CARF: variants seen among roughly 807,000 people sequenced by gnomAD.
CARF encodes the protein calcium responsive transcription factor, also known as calcium-responsive transcription factor.
Under a neutral mutation model 82.0 loss-of-function variants are expected in CARF, and 57 were observed. The ratio of observed to expected loss-of-function variants is 0.70; its 90% CI spans 0.56 to 0.87. CARF has a LOEUF of 0.87. CARF is among the 40% of genes least tolerant of loss of function. The probability of loss-of-function intolerance (pLI) is 0.00; values close to 1 mark genes in which losing one functional copy is unlikely to be tolerated. For missense variants in CARF, 771 were observed against 855.8 expected, an observed-to-expected ratio of 0.90 and a Z score of 1.24; for synonymous variants, 268 against 290.1, an observed-to-expected ratio of 0.92 and a Z score of 0.77.
intron 9 of CARF, among the ~76,000 whole-genome samples, chr2:202,966,423 A>G (rs1051085246): frequency 6.6e-6 from 1 of 152,242 alleles, no homozygotes; most frequent in Non-Finnish European, 1.5e-5. Context: ...TAAAAACCAT[A>G]TGTCAGGTGG....
At chr2:202,921,434 G>C (rs1189223127) in intron 2 of CARF, among the ~76,000 whole-genome samples, 1 of 152,066 alleles carries the variant, frequency 6.6e-6, no homozygotes, top group East Asian at 1.9e-4. Flanking sequence ...AGTTTCTTTT[G>C]CATTTTCCAT....
chr2:202,943,586 G>T (rs1474987894), intron 5 of CARF, among the ~76,000 whole-genome samples: 1 of 42,626 alleles, frequency 2.3e-5, no homozygotes, highest in Non-Finnish European at 4.7e-5. Flanking sequence ...TTAATGGAAT[G>T]TACACACACA....
In CARF at chr2:202,917,924, G is replaced by A. The variant is rs186304235; in HGVS notation, c.-282G>A. The A allele has an allele frequency of 6.8e-5, 25 of 368,188 alleles. No homozygotes were observed. In the East Asian group the frequency reaches 2.1e-3, roughly 31 times the overall value. The allele number at this position is 368,188 out of a possible 1,614,324, so 22.8% of individuals were successfully genotyped here. ...CAATTAAAGCTTTCACATAAATGAA[G>A]CTACAGCTATCATGATTTAGTGCCC... On this transcript the variant is annotated 5_prime_UTR_variant, in exon 2 of 17. Coordinates refer to ENST00000438828, the MANE Select transcript of CARF (RefSeq NM_024744.17).
chr2:202,916,078 T>C (rs953424957), intron 1 of CARF, among the ~76,000 whole-genome samples: 2 of 152,144 alleles, frequency 1.3e-5, no homozygotes, highest in South Asian at 4.1e-4. Flanking sequence ...ATAGTAATTT[T>C]GTACATATTA....
At chr2:202,976,911 T>G (rs1268203169) in intron 13 of CARF, among the ~76,000 whole-genome samples, 1 of 152,090 alleles carries the variant, frequency 6.6e-6, no homozygotes, top group Admixed American at 6.5e-5. Flanking sequence ...AGTCTCACTT[T>G]GTTGCCCAGG....
chr2:202,964,015 T>A (rs1420841017), intron 9 of CARF, among the ~76,000 whole-genome samples: 1 of 152,164 alleles, frequency 6.6e-6, no homozygotes, highest in Non-Finnish European at 1.5e-5. Flanking sequence ...CAATATCACA[T>A]AATCAAACAC....
chr2:202,940,817 G>C (rs187851903), intron 3 of CARF, among the ~76,000 whole-genome samples: 134 of 152,172 alleles, frequency 8.8e-4, no homozygotes, highest in African/African-American at 2.9e-3. Flanking sequence ...TTTGGAGTTG[G>C]GGGGAGGGGA....
chr2:202,985,576 C>T lies in CARF; in HGVS notation c.*1952C>T, dbSNP rs1442190039. 6.6e-6 allele frequency: 1 copy of T among 152,146 alleles called. No homozygotes were observed. The highest frequency in any genetic ancestry group is 2.4e-5 in the African/African-American group (1 of 41,452). The allele number at this position is 152,146 out of a possible 1,614,324, so 9.4% of individuals were successfully genotyped here. ...TAATTATGTTACACTAAGTTAAACA[C>T]AGCACTTAATTACCTCAAATCCAGA... On this transcript the variant is annotated 3_prime_UTR_variant, in exon 17 of 17. Coordinates refer to ENST00000438828, the MANE Select transcript of CARF (RefSeq NM_024744.17).
At chr2:202,925,094 A>G in intron 3 of CARF, 1 of 407,434 alleles carries the variant, frequency 2.5e-6, no homozygotes, top group Non-Finnish European at 4.9e-6. Context: ...CAGCAACTGG[A>G]CACACTGAGC....
At position 202,982,153 on chromosome 2, in the gene CARF, C is replaced by A. The variant is rs1392809515; in HGVS notation, c.1771C>A (p.Pro591Thr). The A allele has an allele frequency of 6.2e-7, 1 of 1,614,142 alleles. No individual in the cohort carries two copies. Among genetic ancestry groups the A allele is most frequent in the Non-Finnish European group, 8.5e-7 (1 of 1,180,004 alleles). ...AGTAAATAACCAGCCGTCCTCTAGTCCTTCAGGACTTCTGGATACAATAGG... is the reference window on the plus strand; with the variant it reads ...AGTAAATAACCAGCCGTCCTCTAGTACTTCAGGACTTCTGGATACAATAGG... The part of the protein sequence containing the change: ...VSVNNQPSSS[P>T]SGLLDTIGSA... The change falls in exon 16 of 17, where the codon CCT (proline) becomes ACT (threonine). Residue 591 changes from proline (P) to threonine (T), a missense_variant. Physicochemically the swap from Pro to Thr is conservative, Grantham distance 38. Coordinates refer to ENST00000438828, the MANE Select transcript of CARF (RefSeq NM_024744.17).
chr2:202,949,627 T>G (rs1276262050), intron 5 of CARF, among the ~76,000 whole-genome samples: 1 of 150,972 alleles, frequency 6.6e-6, no homozygotes, highest in African/African-American at 2.4e-5. Flanking sequence ...CTCAGCTCAC[T>G]GCAACCCCCA....
Position 202,986,908 on chromosome 2 carries a change from A to ACATATATATATATATAT in CARF, c.*3284_*3285insCATATATATATATATAT. On this transcript the variant is annotated 3_prime_UTR_variant, in exon 17 of 17. Coordinates refer to ENST00000438828, the MANE Select transcript of CARF (RefSeq NM_024744.17). Reference sequence around the variant, plus strand: ...TATATATATATATATATATATATATAGCAACTTGATGTATAGTGTCCTTGT... The same window carrying ACATATATATATATATAT: ...TATATATATATATATATATATATATACATATATATATATATATGCAACTTGATGTATAGTGTCCTTGT... The ACATATATATATATATAT allele has an allele frequency of 7.3e-6, 1 of 136,310 alleles. No homozygotes were observed. The highest frequency in any genetic ancestry group is 2.3e-4 in the South Asian group (1 of 4,406). The allele number at this position is 136,310 out of a possible 1,614,324, so 8.4% of individuals were successfully genotyped here.
At chr2:202,961,011 G>A (rs928090889) in intron 8 of CARF, among the ~76,000 whole-genome samples, 5 of 152,094 alleles carry the variant, frequency 3.3e-5, no homozygotes, top group East Asian at 1.9e-4. Flanking sequence ...CAAACAAGAC[G>A]TTGATAAAGA....
intron 4 of CARF, among the ~76,000 whole-genome samples, chr2:202,942,235 G>T (rs565387614): frequency 6.6e-6 from 1 of 151,790 alleles, no homozygotes; most frequent in African/African-American, 2.4e-5. Context: ...TTAGCTGGGC[G>T]TGGTGGTGGG....
Position 202,986,133 on chromosome 2 carries a change from T to G in CARF, c.*2509T>G, listed in dbSNP as rs187937386. ...AGGTAGAAACTGGAGCTATCAATAT[T>G]TTCATGTAAGTATTTCAAGGAGTAG... is the stretch of plus-strand genomic sequence containing the variant. On this transcript the variant is annotated 3_prime_UTR_variant, in exon 17 of 17. Transcript: ENST00000438828. The G allele has an allele frequency of 6.6e-6, 1 of 152,236 alleles. No individual in the cohort carries two copies. Among genetic ancestry groups the G allele is most frequent in the East Asian group, 1.9e-4 (1 of 5,190 alleles). 9.4% of individuals were successfully genotyped at this position (152,236 alleles called of 1,614,324 possible).
intron 6 of CARF, 45 bp downstream of exon 6, chr2:202,952,724 C>G (rs1364853493): frequency 1.3e-6 from 2 of 1,552,592 alleles, no homozygotes; most frequent in African/African-American, 2.7e-5. Flanking sequence ...GTTTTAAAAA[C>G]ATAAATATTT....
intron 5 of CARF, among the ~76,000 whole-genome samples, chr2:202,946,179 C>T (rs1396641692): frequency 6.6e-6 from 1 of 152,086 alleles, no homozygotes; most frequent in Non-Finnish European, 1.5e-5. Flanking sequence ...AAAAAAGAGC[C>T]TGTATAGCCA....
At chr2:202,980,616 GTATATATATATATATATATATA>G (rs34656288) in intron 14 of CARF, among the ~76,000 whole-genome samples, 879 of 42,676 alleles carry the variant, frequency 0.021, 74 homozygotes, top group African/African-American at 0.1. Context: ...CGTCTTTCAA[GTATATATATATATATATATATA>G]TATATATATA....
intron 6 of CARF, among the ~76,000 whole-genome samples, chr2:202,953,498 G>GTTGTTTTTTT (rs772493519): frequency 1.4e-5 from 1 of 70,286 alleles, no homozygotes. Flanking sequence ...TTTTTTTGTT[G>GTTGTTTTTTT]TTTTTTTTTT....
Sources: gnomAD v4.1 joint callset for allele counts (sites outside exome capture counted in the v4.1 genomes callset) on GRCh38, gnomAD v4.1.1 for gene constraint, MANE v1.5 for transcripts, NCBI Gene and HGNC (gene_info 2026-07-23, HGNC 2026-07-21) for gene names.